Variants in ELP3 observed in about 807,000 individuals in gnomAD.
ELP3 encodes the protein elongator complex protein 3.
A neutral mutation model predicts 74.9 loss-of-function variants in ELP3; 56 were observed. The observed-to-expected ratio is 0.75, with a 90% CI of 0.60 to 0.93. The LOEUF is 0.93. ELP3 is among the 40% of genes least tolerant of loss of function. ELP3 has a pLI of 0.00. For missense variants in ELP3, 573 were observed against 686.5 expected (o/e 0.83, Z 1.85); for synonymous variants, 222 against 239.8 (o/e 0.93, Z 0.68).
intron 7 of ELP3, among the ~76,000 whole-genome samples, chr8:28,128,236 G>T (rs920970997): frequency 2.0e-5 from 3 of 152,222 alleles, no homozygotes; most frequent in African/African-American, 7.2e-5. Flanking sequence ...CACTTTGGGG[G>T]GCCGAAGCAG....
In ELP3 at chr8:28,190,489, CCTGT is replaced by C. The variant is rs1282171537; in HGVS notation, c.*771_*774del. ...TGGTCCCCAGAGAGCGTTTGGCTTT[CCTGT>C]CTGTCTATCCTGAGCGGGTGGAGTC... is the stretch of plus-strand genomic sequence containing the variant. On this transcript the variant is annotated 3_prime_UTR_variant, in exon 15 of 15. Transcript: ENST00000256398. 7 of 152,230 alleles carry C rather than the reference CCTGT, an allele frequency of 4.6e-5. No individual in the cohort carries two copies. Among genetic ancestry groups the C allele is most frequent in the Non-Finnish European group, 8.8e-5 (6 of 68,094 alleles). 9.4% of individuals were successfully genotyped at this position (152,230 alleles called of 1,614,324 possible).
chr8:28,101,921 T>C (rs756873643), intron 3 of ELP3, among the ~76,000 whole-genome samples: 1 of 152,198 alleles, frequency 6.6e-6, no homozygotes, highest in Non-Finnish European at 1.5e-5. Flanking sequence ...ATGTGTGGGC[T>C]TGCCATTAAA....
At chr8:28,167,244 C>T (rs914351939) in intron 14 of ELP3, among the ~76,000 whole-genome samples, 6 of 152,168 alleles carry the variant, frequency 3.9e-5, no homozygotes, top group African/African-American at 1.2e-4. Context: ...CACAGTGCCT[C>T]CTGGTCAGAA....
chr8:28,108,872 T>C (rs989568434), intron 5 of ELP3, among the ~76,000 whole-genome samples: 5 of 152,088 alleles, frequency 3.3e-5, no homozygotes, highest in African/African-American at 1.2e-4. Flanking sequence ...GCAGCTGAGA[T>C]GGTTTAGCTG....
At chr8:28,174,596 G>T (rs1360248457) in intron 14 of ELP3, among the ~76,000 whole-genome samples, 1 of 152,004 alleles carries the variant, frequency 6.6e-6, no homozygotes. Context: ...CTTTTTACCT[G>T]TGTATCCATT....
chr8:28,180,595 AC>A (rs1585757418), intron 14 of ELP3, among the ~76,000 whole-genome samples: 2 of 152,226 alleles, frequency 1.3e-5, no homozygotes, highest in Non-Finnish European at 2.9e-5. Flanking sequence ...CTTAAAGTGT[AC>A]CTCATCATTT....
chr8:28,093,268 G>T (rs763410235), intron 1 of ELP3, 35 bp downstream of exon 1: 7 of 1,611,790 alleles, frequency 4.3e-6, no homozygotes, highest in Non-Finnish European at 5.1e-6. Context: ...GAAAGGGGTG[G>T]TCCGAAAGGG....
At chr8:28,095,743 A>G (rs551235398) in intron 1 of ELP3, among the ~76,000 whole-genome samples, 1 of 152,282 alleles carries the variant, frequency 6.6e-6, no homozygotes, top group East Asian at 1.9e-4. Context: ...CTCATTTTTC[A>G]CATCTATAAA....
chr8:28,121,615 C>G (rs928785141), intron 7 of ELP3, among the ~76,000 whole-genome samples: 1 of 151,958 alleles, frequency 6.6e-6, no homozygotes, highest in Admixed American at 6.6e-5. Flanking sequence ...CCACCACGCC[C>G]GGCCATAAAT....
chr8:28,152,378 G>T (rs75994503), intron 10 of ELP3, among the ~76,000 whole-genome samples: 3,537 of 152,248 alleles, frequency 0.023, 42 homozygotes, highest in Admixed American at 0.032. Flanking sequence ...TCAGATACAT[G>T]ATTTACATAT....
intron 14 of ELP3, among the ~76,000 whole-genome samples, chr8:28,182,171 G>C (rs1815038792): frequency 1.3e-5 from 2 of 151,438 alleles, no homozygotes; most frequent in Non-Finnish European, 2.9e-5. Flanking sequence ...GGTTTTCAGT[G>C]AACTCAGGTA....
chr8:28,094,350 T>C lies in ELP3; in HGVS notation c.19+1117T>C, dbSNP rs559712166. On this transcript the variant is annotated intron_variant, in intron 1 of 14. Coordinates refer to ENST00000256398, the MANE Select transcript of ELP3 (RefSeq NM_018091.6). ...TTCAGCTTTCATATACATTATTTAT[T>C]TGAGTCTTAGAATGGTTTTGTGAAA... 1.1e-4 allele frequency among the ~76,000 whole-genome samples: 16 copies of C among 152,350 alleles called. No homozygotes were observed. The East Asian group carries it at 2.1e-3, about 20-fold the overall frequency.
intron 14 of ELP3, among the ~76,000 whole-genome samples, chr8:28,188,120 A>G (rs1815314017): frequency 6.6e-6 from 1 of 152,180 alleles, no homozygotes; most frequent in Non-Finnish European, 1.5e-5. Context: ...TGCCTGTGGC[A>G]GGTGCTGCTG....
chr8:28,158,170 G>A (rs1444750779), intron 11 of ELP3, among the ~76,000 whole-genome samples: 1 of 151,742 alleles, frequency 6.6e-6, no homozygotes, highest in Non-Finnish European at 1.5e-5. Flanking sequence ...TAAACATTTA[G>A]GAATTTACTT....
intron 6 of ELP3, among the ~76,000 whole-genome samples, chr8:28,112,251 C>G (rs546161781): frequency 6.6e-6 from 1 of 152,124 alleles, no homozygotes; most frequent in East Asian, 1.9e-4. Flanking sequence ...TCAAGCGATT[C>G]TCTTGCCTCA....
At chr8:28,181,828 C>T (rs1034029508) in intron 14 of ELP3, among the ~76,000 whole-genome samples, 3 of 152,194 alleles carry the variant, frequency 2.0e-5, no homozygotes, top group Admixed American at 6.5e-5. Context: ...TCATCTTTCT[C>T]CTAGGACAAT....
chr8:28,105,756 A>G (rs1811662527), intron 3 of ELP3, among the ~76,000 whole-genome samples: 1 of 152,168 alleles, frequency 6.6e-6, no homozygotes, highest in South Asian at 2.1e-4. Context: ...TTCCATGTTT[A>G]TAGCTACTTC....
chr8:28,124,030 G>T (rs1812480279), intron 7 of ELP3, among the ~76,000 whole-genome samples: 1 of 152,024 alleles, frequency 6.6e-6, no homozygotes, highest in Non-Finnish European at 1.5e-5. Context: ...TGATACATCA[G>T]TTTAAGCTGA....
intron 14 of ELP3, among the ~76,000 whole-genome samples, chr8:28,171,838 G>GAT (rs1436574333): frequency 5.9e-5 from 9 of 152,070 alleles, no homozygotes; most frequent in Admixed American, 5.2e-4. Flanking sequence ...TTTTGTATAT[G>GAT]ATATAAGGTA....
Sources: allele counts gnomAD v4.1 joint callset (sites outside exome capture counted in the v4.1 genomes callset), GRCh38; gene constraint gnomAD v4.1.1; transcripts MANE v1.5; gene names NCBI Gene and HGNC (gene_info 2026-07-23, HGNC 2026-07-21).